The following TCF7L1 variants were observed in gnomAD, a reference collection of about 807,000 sequenced individuals.
TCF7L1 encodes the protein transcription factor 7 like 1, also known as transcription factor 7-like 1.
A neutral mutation model predicts 63.7 loss-of-function variants in TCF7L1; 18 were observed. The observed-to-expected ratio is 0.28, with a 90% CI of 0.20 to 0.42. The LOEUF is 0.42. Ranked by LOEUF, TCF7L1 falls within the 10% of genes least tolerant of loss-of-function variation. The pLI is 1.00. For synonymous variants in TCF7L1, 355 were observed against 340.9 expected (o/e 1.04, Z -0.46); for missense variants, 654 against 779.3 (o/e 0.84, Z 1.91).
intron 3 of TCF7L1, among the ~76,000 whole-genome samples, chr2:85,229,631 T>C (rs1379263010): frequency 6.6e-6 from 1 of 152,230 alleles, no homozygotes; most frequent in Non-Finnish European, 1.5e-5. Context: ...GAAAGTGTGT[T>C]GATTAAAGAA....
Position 85,166,766 on chromosome 2 carries a change from T to TCATGG in TCF7L1, c.441+32316_441+32317insCATGG, listed in dbSNP as rs1678428205. 2.6e-5 allele frequency among the ~76,000 whole-genome samples: 4 copies of TCATGG among 152,222 alleles called. No homozygotes were observed. The South Asian group carries it at 8.3e-4, about 32-fold the overall frequency. ...GTCCCAAAGCTGGTCATGGGTTGAT[T>TCATGG]GTCTCTTTAGCACCTCTCAGTTGAC... On this transcript the variant is annotated intron_variant, in intron 3 of 11. Coordinates refer to ENST00000282111, the MANE Select transcript of TCF7L1 (RefSeq NM_031283.3).
chr2:85,251,869 T>A (rs1177020752), intron 3 of TCF7L1, among the ~76,000 whole-genome samples: 2 of 151,868 alleles, frequency 1.3e-5, no homozygotes, highest in East Asian at 3.9e-4. Flanking sequence ...GTCTCAGGAG[T>A]CTGAGACCAG....
In TCF7L1 at chr2:85,310,260, C is replaced by A. The variant is rs1305629100; in HGVS notation, c.*798C>A. ...CTGCCAAAGTTCTAGAGACCCTGTT[C>A]CCTTCCCCATCACCTCACATGCTTC... On this transcript the variant is annotated 3_prime_UTR_variant, in exon 12 of 12. Transcript: ENST00000282111. 1 of 152,634 alleles carries A rather than the reference C, an allele frequency of 6.6e-6. No individual in the cohort carries two copies. Among genetic ancestry groups the A allele is most frequent in the Non-Finnish European group, 1.5e-5 (1 of 68,052 alleles). The allele number at this position is 152,634 out of a possible 1,614,324, so 9.5% of individuals were successfully genotyped here.
At chr2:85,202,870 T>G (rs1452320246) in intron 3 of TCF7L1, among the ~76,000 whole-genome samples, 1 of 152,068 alleles carries the variant, frequency 6.6e-6, no homozygotes, top group Non-Finnish European at 1.5e-5. Context: ...GTCTCGCTCT[T>G]TCGCCCAGGC....
intron 11 of TCF7L1, among the ~76,000 whole-genome samples, chr2:85,308,478 C>CCCTCCCATT (rs1682190894): frequency 2.0e-5 from 1 of 49,902 alleles, no homozygotes; most frequent in Non-Finnish European, 3.9e-5. Flanking sequence ...TCCCTCTCCC[C>CCCTCCCATT]CTCCTTCCCT....
intron 3 of TCF7L1, among the ~76,000 whole-genome samples, chr2:85,212,457 T>C (rs1558635318): frequency 6.6e-6 from 1 of 152,200 alleles, no homozygotes; most frequent in East Asian, 1.9e-4. Context: ...TCTTGACTCC[T>C]CTATGCCCAA....
In TCF7L1 at chr2:85,262,374, A is replaced by G. The variant is rs1444356163; in HGVS notation, c.442-21121A>G. The stretch of plus-strand genomic sequence containing the variant: ...CCTCTGAGAGCAACTTCCAGAATCA[A>G]GACACCGTCTCTTAAAAGAAAAAAA... On this transcript the variant is annotated intron_variant, in intron 3 of 11. Transcript: ENST00000282111. 6 of 445,308 alleles carry G rather than the reference A, an allele frequency of 1.3e-5. No homozygotes were observed. The East Asian group carries it at 3.2e-4, about 24-fold the overall frequency. The allele number at this position is 445,308 out of a possible 1,614,324, so 27.6% of individuals were successfully genotyped here.
intron 3 of TCF7L1, among the ~76,000 whole-genome samples, chr2:85,220,353 TAA>T (rs969400514): frequency 2.7e-5 from 4 of 150,060 alleles, no homozygotes; most frequent in South Asian, 2.1e-4. Context: ...TTTCTGTACT[TAA>T]AAAAAAATAT....
intron 3 of TCF7L1, among the ~76,000 whole-genome samples, chr2:85,151,835 AT>A (rs997674813): frequency 1.6e-4 from 25 of 152,214 alleles, no homozygotes; most frequent in African/African-American, 5.3e-4. Flanking sequence ...AGCTGGAAAG[AT>A]TTTCTGTCAG....
chr2:85,266,830 G>A (rs981294739), intron 3 of TCF7L1, among the ~76,000 whole-genome samples: 2 of 152,126 alleles, frequency 1.3e-5, no homozygotes, highest in South Asian at 4.1e-4. Flanking sequence ...TTATGTTTAT[G>A]TGTTGTAAAA....
At chr2:85,198,410 A>G (rs1352702025) in intron 3 of TCF7L1, among the ~76,000 whole-genome samples, 1 of 152,152 alleles carries the variant, frequency 6.6e-6, no homozygotes, top group Non-Finnish European at 1.5e-5. Context: ...GAGCTCAGGG[A>G]GAGGTGTCCG....
intron 3 of TCF7L1, among the ~76,000 whole-genome samples, chr2:85,167,545 A>T (rs1678447776): frequency 6.6e-6 from 1 of 152,160 alleles, no homozygotes; most frequent in African/African-American, 2.4e-5. Flanking sequence ...TGGGCTCTGC[A>T]CGCAATGGAA....
At chr2:85,242,624 C>T (rs1308391474) in intron 3 of TCF7L1, among the ~76,000 whole-genome samples, 1 of 152,208 alleles carries the variant, frequency 6.6e-6, no homozygotes, top group Non-Finnish European at 1.5e-5. Flanking sequence ...GGTTTGTGCA[C>T]ACCCTGTATA....
At chr2:85,139,864 T>A (rs56168805) in intron 3 of TCF7L1, among the ~76,000 whole-genome samples, 14 of 152,076 alleles carry the variant, frequency 9.2e-5, no homozygotes, top group Non-Finnish European at 1.9e-4. Flanking sequence ...GAATCTGATC[T>A]TATTTAAGAG....
chr2:85,228,299 T>C (rs761560279), intron 3 of TCF7L1, among the ~76,000 whole-genome samples: 2 of 152,154 alleles, frequency 1.3e-5, no homozygotes, highest in Non-Finnish European at 2.9e-5. Flanking sequence ...TGCACGCCTG[T>C]AGTCTCAGCT....
At chr2:85,273,264 G>A (rs2104358331) in intron 3 of TCF7L1, among the ~76,000 whole-genome samples, 1 of 152,332 alleles carries the variant, frequency 6.6e-6, no homozygotes, top group East Asian at 1.9e-4. Context: ...GGCTGTGCCA[G>A]CTGCAAGGAA....
At chr2:85,261,168 G>GTGTA (rs1553404458) in intron 3 of TCF7L1, among the ~76,000 whole-genome samples, 3 of 144,754 alleles carry the variant, frequency 2.1e-5, no homozygotes, top group Non-Finnish European at 4.5e-5. Flanking sequence ...GTGTGTGTGT[G>GTGTA]TGTGGTATTT....
At chr2:85,167,813 A>G (rs975434743) in intron 3 of TCF7L1, among the ~76,000 whole-genome samples, 4 of 152,176 alleles carry the variant, frequency 2.6e-5, no homozygotes, top group Admixed American at 1.3e-4. Context: ...GCAGTGAGCC[A>G]AGATCCCACC....
At chr2:85,268,703 A>C (rs966254610) in intron 3 of TCF7L1, among the ~76,000 whole-genome samples, 1 of 151,852 alleles carries the variant, frequency 6.6e-6, no homozygotes, top group Non-Finnish European at 1.5e-5. Context: ...CGGTTTCCCA[A>C]AGTGCTGGGA....
Sources: gnomAD v4.1 joint callset for allele counts (sites outside exome capture counted in the v4.1 genomes callset) on GRCh38, gnomAD v4.1.1 for gene constraint, MANE v1.5 for transcripts, NCBI Gene and HGNC (gene_info 2026-07-23, HGNC 2026-07-21) for gene names.